The following MSH6 variants were observed in gnomAD, a reference collection of about 807,000 sequenced individuals.
MSH6 encodes DNA mismatch repair protein Msh6.
A neutral mutation model predicts 119.1 loss-of-function variants in MSH6; 85 were observed. That is an observed-to-expected ratio of 0.71 (90% CI 0.60 to 0.85). The LOEUF is 0.85. MSH6 is among the 40% of genes least tolerant of loss of function. The pLI is 0.00. For missense variants in MSH6, 2,163 were observed against 1,655.3 expected (o/e 1.31, Z -5.32); for synonymous variants, 830 against 586.9 (o/e 1.41, Z -5.99).
At chr2:47,792,248 C>A (rs1320458956) in intron 2 of MSH6, among the ~76,000 whole-genome samples, 1 of 152,182 alleles carries the variant, frequency 6.6e-6, no homozygotes. Context: ...TTCGGCCTCC[C>A]AAGAGTCTCC....
Position 47,806,506 on chromosome 2 carries a change from C to G in MSH6, c.3856C>G (p.Leu1286Val), listed in dbSNP as rs1060502887. 2 of 1,613,960 alleles carry G rather than the reference C, an allele frequency of 1.2e-6. No homozygotes were observed. The highest frequency in any genetic ancestry group is 2.2e-5 in the East Asian group (1 of 44,862). ...EDPSQETITF[L>V]YKFIKGACPK... ...CCCCAGCCAGGAGACTATTACGTTC[C>G]TCTATAAATTCATTAAGGGAGCTTG... Residue 1286 changes from leucine to valine, a missense_variant, in exon 9 of 10, where the codon CTC becomes GTC. Leu to Val is a conservative substitution (Grantham distance 32). Coordinates refer to ENST00000234420, the MANE Select transcript of MSH6 (RefSeq NM_000179.3).
intron 2 of MSH6, among the ~76,000 whole-genome samples, chr2:47,792,273 T>C (rs1463121707): frequency 6.6e-6 from 1 of 152,108 alleles, no homozygotes; most frequent in African/African-American, 2.4e-5. Context: ...TAGTACGTTG[T>C]CGTACTCGGT....
downstream of MSH6, chr2:47,807,978 C>T: frequency 5.3e-6 from 4 of 748,368 alleles, no homozygotes; most frequent in Non-Finnish European, 8.7e-6. Context: ...GCTTGAGCTT[C>T]ATAGTGTCAA....
intron 1 of MSH6, chr2:47,789,317 T>G (rs936264690): frequency 2.6e-6 from 1 of 386,514 alleles, no homozygotes; most frequent in Non-Finnish European, 5.2e-6. Context: ...AAAACAAAAT[T>G]TTTTGTTTAA....
intron 1 of MSH6, among the ~76,000 whole-genome samples, chr2:47,785,821 A>C (rs1362805845): frequency 1.3e-5 from 2 of 152,224 alleles, no homozygotes; most frequent in Non-Finnish European, 2.9e-5. Flanking sequence ...CTTTACATTC[A>C]TATTGAATAG....
Position 47,805,721 on chromosome 2 carries a change from C to T in MSH6, c.3646+14C>T, listed in dbSNP as rs1398706452. The T allele has an allele frequency of 2.6e-6, 4 of 1,523,820 alleles. No individual in the cohort carries two copies. The highest frequency in any genetic ancestry group is 3.6e-6 in the Non-Finnish European group (4 of 1,121,216). 94.4% of individuals were successfully genotyped at this position (1,523,820 alleles called of 1,614,324 possible). ...TGGATGAATTAGGTAAGACATTAAA[C>T]TTCTCATTTGAAGACTATCTATCTT... On this transcript the variant is annotated intron_variant, in intron 7 of 9. Coordinates refer to ENST00000234420, the MANE Select transcript of MSH6 (RefSeq NM_000179.3).
At chr2:47,792,778 C>G (rs1668819078) in intron 2 of MSH6, among the ~76,000 whole-genome samples, 1 of 151,994 alleles carries the variant, frequency 6.6e-6, no homozygotes, top group Non-Finnish European at 1.5e-5. Flanking sequence ...GTGATTCCCC[C>G]CTGTTTTAGC....
chr2:47,800,965 C>G lies in MSH6; in HGVS notation c.2982C>G (p.Tyr994Ter), dbSNP rs367758473. 1 of 1,563,280 alleles carries G rather than the reference C, an allele frequency of 6.4e-7. No homozygotes were observed. Among genetic ancestry groups the G allele is most frequent in the Non-Finnish European group, 8.6e-7 (1 of 1,157,316 alleles). ...CCACTCGCAATTTGCCAGAAGAATA[C>G]GAGTTGAAATCTACCAAGAAGGGCT... Reference protein sequence around the residue: ...NFTTRNLPEEYELKSTKKGCK... With the variant: ...NFTTRNLPEE Residue 994 changes from tyrosine (Y) to a stop codon, truncating the protein, a stop_gained, in exon 4 of 10, where the codon TAC becomes TAG. Coordinates refer to ENST00000234420, the MANE Select transcript of MSH6 (RefSeq NM_000179.3). LOFTEE classifies it high-confidence loss of function.
downstream of MSH6, chr2:47,807,009 C>T: frequency 1.5e-6 from 1 of 680,598 alleles, no homozygotes; most frequent in Non-Finnish European, 2.6e-6. Flanking sequence ...TATCTACCTT[C>T]TACATAATGG....
chr2:47,798,891 T>G lies in MSH6; in HGVS notation c.908T>G (p.Met303Arg), dbSNP rs1558659703. 2 of 1,614,110 alleles carry G rather than the reference T, an allele frequency of 1.2e-6. No individual in the cohort carries two copies. The highest frequency in any genetic ancestry group is 1.7e-6 in the Non-Finnish European group (2 of 1,180,020). ...AAAGTTGCTCGAAAGCGGAAGAGAA[T>G]GGTGACTGGAAATGGCTCTCTTAAA... ...PVKVARKRKR[M>R]VTGNGSLKRK... Residue 303 changes from methionine (M) to arginine (R), a missense_variant, in exon 4 of 10, where the codon ATG becomes AGG. Coordinates refer to ENST00000234420, the MANE Select transcript of MSH6 (RefSeq NM_000179.3).
chr2:47,803,820 C>T (rs1335844302), intron 5 of MSH6, 135 bp downstream of exon 5: 20 of 905,334 alleles, frequency 2.2e-5, no homozygotes, highest in Non-Finnish European at 3.1e-5. Context: ...GGAAATTACT[C>T]CCTGTGTTAT....
rs1558650117 is a variant in MSH6 at position 47,788,907 on chromosome 2, C to CTTTTTTT, written c.261-2012_261-2006dup. Among the ~76,000 whole-genome samples, 26 of 17,292 alleles carry CTTTTTTT rather than the reference C, an allele frequency of 1.5e-3. 1 individual carries two copies. The highest frequency in any genetic ancestry group is 3.9e-3 in the Admixed American group (4 of 1,018). 11.3% of individuals were successfully genotyped at this position (17,292 alleles called of 152,430 possible). Reference sequence around the variant, plus strand: ...CTATTTCTTTCTTTCTTTCTTCTTCCTTTTTTTTTTTTTTGTTTTTTTTTT... The same window carrying CTTTTTTT: ...CTATTTCTTTCTTTCTTTCTTCTTCCTTTTTTTTTTTTTTTTTTTTTGTTTTTTTTTT... On this transcript the variant is annotated intron_variant, in intron 1 of 9. Coordinates refer to ENST00000234420, the MANE Select transcript of MSH6 (RefSeq NM_000179.3).
At chr2:47,801,214 T>A (rs1669562929) in intron 4 of MSH6, 59 bp downstream of exon 4, 7 of 1,551,744 alleles carry the variant, frequency 4.5e-6, no homozygotes, top group Non-Finnish European at 6.2e-6. Flanking sequence ...TTGCCAGCTG[T>A]ATATTATCCC....
At chr2:47,798,550 T>C (rs1669232918) in intron 3 of MSH6, 61 bp from the exon 4 acceptor site, 2 of 1,563,128 alleles carry the variant, frequency 1.3e-6, no homozygotes, top group Non-Finnish European at 1.7e-6. Context: ...AGTTGAACTG[T>C]CTTACATTAT....
rs267608100 is a variant in MSH6, at chr2:47,805,014, C to A, written c.3543C>A (p.Asp1181Glu). The A allele has an allele frequency of 6.2e-7, 1 of 1,611,688 alleles. No individual in the cohort carries two copies. Among genetic ancestry groups the A allele is most frequent in the Non-Finnish European group, 8.5e-7 (1 of 1,177,824 alleles). ...DRVFTRLGAS[D>E]RIMSGESTFF... is the part of the protein sequence containing the mutation. Reference sequence around the variant, plus strand: ...TGTTTACTAGACTTGGTGCCTCAGACAGAATAATGTCAGGTGAGTTTTTTG... The same window carrying A: ...TGTTTACTAGACTTGGTGCCTCAGAAAGAATAATGTCAGGTGAGTTTTTTG... The change falls in exon 6 of 10, where the codon GAC becomes GAA. Residue 1181 changes from aspartate (D) to glutamate (E), a missense_variant. Asp to Glu is a conservative substitution (Grantham distance 45). Coordinates refer to ENST00000234420, the MANE Select transcript of MSH6 (RefSeq NM_000179.3).
In MSH6 at chr2:47,798,990, CT is replaced by C; in HGVS notation, c.1010del (p.Leu337Ter). 6.2e-7 allele frequency: 1 copy of C among 1,614,228 alleles called. No individual in the cohort carries two copies. The highest frequency in any genetic ancestry group is 8.5e-7 in the Non-Finnish European group (1 of 1,180,044). On this transcript the variant is annotated frameshift_variant, in exon 4 of 10. Transcript: ENST00000234420. LOFTEE classifies it high-confidence loss of function. The stretch of plus-strand genomic sequence containing the variant: ...AGCATTTCATCAGAAACCAAGAATA[CT>C]TTGAGAGCTTTCTCTGCCCCTCAAA... ...ATSISSETKN[T>X]LRAFSAPQNS...
rs1060504739 is a variant in MSH6 at position 47,806,511 on chromosome 2, T to C, written c.3861T>C (p.Tyr1287=). 6.2e-7 allele frequency: 1 copy of C among 1,614,068 alleles called. No individual in the cohort carries two copies. Among genetic ancestry groups the C allele is most frequent in the Non-Finnish European group, 8.5e-7 (1 of 1,179,982 alleles). ...GCCAGGAGACTATTACGTTCCTCTA[T>C]AAATTCATTAAGGGAGCTTGTCCTA... ...DPSQETITFL[Y]KFIKGACPKS... is the part of the protein sequence containing the mutation. The change falls in exon 9 of 10, where the codon TAT becomes TAC. Residue 1287 remains tyrosine, a synonymous_variant. Transcript: ENST00000234420.
chr2:47,797,291 T>C (rs1669158892), intron 3 of MSH6, among the ~76,000 whole-genome samples: 1 of 152,226 alleles, frequency 6.6e-6, no homozygotes, highest in African/African-American at 2.4e-5. Flanking sequence ...CATGTTTTGT[T>C]CCTTTTTCAA....
chr2:47,800,770 C>T lies in MSH6; in HGVS notation c.2787C>T (p.Pro929=), dbSNP rs768005323. 6.2e-7 allele frequency: 1 copy of T among 1,614,118 alleles called. No homozygotes were observed. The highest frequency in any genetic ancestry group is 1.1e-5 in the South Asian group (1 of 91,066). ...EKARKTGLIT[P]KAGFDSDYDQ... Reference sequence around the variant, plus strand: ...CTCGAAAGACTGGACTTATTACTCCCAAAGCAGGCTTTGACTCTGATTATG... The same window carrying T: ...CTCGAAAGACTGGACTTATTACTCCTAAAGCAGGCTTTGACTCTGATTATG... The change falls in exon 4 of 10, where the codon CCC becomes CCT. Residue 929 remains proline, a synonymous_variant. Transcript: ENST00000234420.
Sources: gnomAD v4.1 joint callset for allele counts (sites outside exome capture counted in the v4.1 genomes callset) on GRCh38, gnomAD v4.1.1 for gene constraint, MANE v1.5 for transcripts, NCBI Gene and HGNC (gene_info 2026-07-23, HGNC 2026-07-21) for gene names.